MYBBP1A: variants seen among roughly 807,000 people sequenced by gnomAD.
MYBBP1A encodes the protein MYB binding protein 1a, also known as myb-binding protein 1A.
In MYBBP1A, 147 loss-of-function variants were observed where a neutral mutation model predicts 136.3. The observed-to-expected ratio is 1.08, with a 90% confidence interval of 0.94 to 1.24. The LOEUF (loss-of-function observed/expected upper bound fraction) is 1.24, where lower values mean the gene tolerates loss of function less well. Ranked by LOEUF, MYBBP1A falls within the 50% of genes most tolerant of loss-of-function variation. MYBBP1A has a pLI of 0.00. For missense variants in MYBBP1A, 2,060 were observed against 1,727.4 expected (o/e 1.19, Z -3.41); for synonymous variants, 947 against 735.8 (o/e 1.29, Z -4.65).
At position 4,552,167 on chromosome 17, in the gene MYBBP1A, A is replaced by T. The variant is rs1202779691; in HGVS notation, c.863T>A (p.Val288Glu). 2 of 1,614,030 alleles carry T rather than the reference A, an allele frequency of 1.2e-6. No individual in the cohort carries two copies. Among genetic ancestry groups the T allele is most frequent in the African/African-American group, 2.7e-5 (2 of 74,894 alleles). Residue 288 changes from valine to glutamate, a missense_variant, in exon 7 of 26, where the codon GTG (valine) becomes GAG (glutamate). Transcript: ENST00000254718. This position sits in a 1 kb window ranked among gnomAD's most constrained non-coding sequence, Gnocchi z 4.7. Reference sequence around the variant, plus strand: ...CATCTTCAGCAGCCCTTGTTCCACCACCTCCTTCCAGAACCGTGGGAACTT... The same window carrying T: ...CATCTTCAGCAGCCCTTGTTCCACCTCCTCCTTCCAGAACCGTGGGAACTT... Reference protein sequence around the residue: ...EDKFPRFWKEVVEQGLLKMQF... With the variant: ...EDKFPRFWKEEVEQGLLKMQF...
intron 13 of MYBBP1A, 69 bp from the exon 14 acceptor site, chr17:4,546,011 C>T (rs1022398510): frequency 1.4e-6 from 2 of 1,452,546 alleles, no homozygotes; most frequent in Non-Finnish European, 1.9e-6. Context: ...AGGCAAGGGG[C>T]TGGCCAAATG....
At chr17:4,541,934 G>A (rs1370100445) in intron 22 of MYBBP1A, 43 bp from the exon 23 acceptor site, 4 of 1,525,678 alleles carry the variant, frequency 2.6e-6, no homozygotes, top group South Asian at 1.1e-5. Flanking sequence ...TTGGCACGTT[G>A]GGTGCTCACG....
chr17:4,548,288 G>T lies in MYBBP1A; in HGVS notation c.1579C>A (p.Gln527Lys). The T allele has an allele frequency of 6.2e-7, 1 of 1,612,386 alleles. No individual in the cohort carries two copies. Among genetic ancestry groups the T allele is most frequent in the East Asian group, 2.2e-5 (1 of 44,884 alleles). The change falls in exon 12 of 26, where the codon CAG (glutamine) becomes AAG (lysine). Residue 527 changes from glutamine to lysine, a missense_variant. Physicochemically the swap from Gln to Lys is moderately conservative, Grantham distance 53. Transcript: ENST00000254718. The surrounding 1 kb of genome is among the most constrained non-coding windows in gnomAD (Gnocchi z 4.2). Reference sequence around the variant, plus strand: ...GTCTGGCCCGGTGCCTGCTTGAACTGCGTGCTGAGGGTCTGCAACAGACTG... The same window carrying T: ...GTCTGGCCCGGTGCCTGCTTGAACTTCGTGCTGAGGGTCTGCAACAGACTG... ...FFSLLQTLST[Q>K]FKQAPGQTQG...
At position 4,552,320 on chromosome 17, in the gene MYBBP1A, A is replaced by G. The variant is rs1907595896; in HGVS notation, c.738-28T>C. 3.7e-6 allele frequency: 6 copies of G among 1,612,708 alleles called. No individual in the cohort carries two copies. The highest frequency in any genetic ancestry group is 5.1e-6 in the Non-Finnish European group (6 of 1,179,614). ...GCGGAGGGCAAGGGACTCAGGGAACACTTGCCTCACAGGCAAGGGCCAGGG... is the reference window on the plus strand; with the variant it reads ...GCGGAGGGCAAGGGACTCAGGGAACGCTTGCCTCACAGGCAAGGGCCAGGG... On this transcript the variant is annotated intron_variant, in intron 6 of 25. Coordinates refer to ENST00000254718, the MANE Select transcript of MYBBP1A (RefSeq NM_014520.4). The surrounding 1 kb of genome is among the most constrained non-coding windows in gnomAD (Gnocchi z 4.7).
Position 4,551,999 on chromosome 17 carries a change from TAA to T in MYBBP1A, c.906-4_906-3del, listed in dbSNP as rs781115100. On this transcript the variant is annotated splice_region_variant and splice_polypyrimidine_tract_variant and intron_variant, in intron 7 of 25. Coordinates refer to ENST00000254718, the MANE Select transcript of MYBBP1A (RefSeq NM_014520.4). ...CCCAGCAGGCGGAAACACAGGTAGC[TAA>T]AGGGGGTGCAGGACAGAGCCTGGTC... 3 of 1,607,206 alleles carry T rather than the reference TAA, an allele frequency of 1.9e-6. No homozygotes were observed. The highest frequency in any genetic ancestry group is 1.3e-5 in the African/African-American group (1 of 74,848).
Position 4,539,750 on chromosome 17 carries a change from C to A in MYBBP1A, c.3652G>T (p.Ala1218Ser), listed in dbSNP as rs1454350650. Residue 1218 changes from alanine to serine, a missense_variant, in exon 26 of 26, where the codon GCT (alanine) becomes TCT (serine). Ala to Ser is a moderately conservative substitution (Grantham distance 99). Coordinates refer to ENST00000254718, the MANE Select transcript of MYBBP1A (RefSeq NM_014520.4). ...MGRKKRNRTK[A>S]KVPAQANGTP... ...CCGTTTGCCTGGGCTGGGACCTTAG[C>A]CTTTGTCCTGTTCCTCTTCTTCCTG... 1 of 1,613,304 alleles carries A rather than the reference C, an allele frequency of 6.2e-7. No individual in the cohort carries two copies. The highest frequency in any genetic ancestry group is 1.3e-5 in the African/African-American group (1 of 75,012).
Position 4,555,176 on chromosome 17 carries a change from C to T in MYBBP1A, c.149G>A (p.Arg50Gln), listed in dbSNP as rs1316084148. Reference sequence around the variant, plus strand: ...CAGCAGCTTCTCCGTGGCCGCAAGTCGCGTCTCCTGCTCAGGCTTCGCAAT... The same window carrying T: ...CAGCAGCTTCTCCGTGGCCGCAAGTTGCGTCTCCTGCTCAGGCTTCGCAAT... ...WDIAKPEQET[R>Q]LAATEKLLEY... The change falls in exon 1 of 26, where the codon CGA (arginine) becomes CAA (glutamine). Residue 50 changes from arginine to glutamine, a missense_variant. Arg to Gln is a conservative substitution (Grantham distance 43). Transcript: ENST00000254718. 2 of 1,605,338 alleles carry T rather than the reference C, an allele frequency of 1.2e-6. No individual in the cohort carries two copies. Among genetic ancestry groups the T allele is most frequent in the Admixed American group, 1.7e-5 (1 of 58,972 alleles).
At chr17:4,554,139 C>T (rs758851029) in intron 3 of MYBBP1A, 46 bp from the exon 4 acceptor site, 81 of 1,613,320 alleles carry the variant, frequency 5.0e-5, no homozygotes, top group Middle Eastern at 3.3e-4. Flanking sequence ...CTGGAACTCC[C>T]CATTCCCCAA....
chr17:4,545,341 A>AG lies in MYBBP1A; in HGVS notation c.2077dup (p.Leu693ProfsTer7). ...CTCATCCTCACTGGTCTCGGGGTTC[A>AG]GCACCTGGGGAGGGGTGCCAGCCAC... is the stretch of plus-strand genomic sequence containing the variant. On this transcript the variant is annotated frameshift_variant, in exon 16 of 26. Coordinates refer to ENST00000254718, the MANE Select transcript of MYBBP1A (RefSeq NM_014520.4). LOFTEE classifies it high-confidence loss of function. 6.2e-7 allele frequency: 1 copy of AG among 1,613,088 alleles called. No homozygotes were observed. Among genetic ancestry groups the AG allele is most frequent in the Non-Finnish European group, 8.5e-7 (1 of 1,179,932 alleles).
chr17:4,545,616 A>T lies in MYBBP1A; in HGVS notation c.2067T>A (p.Ile689=). The T allele has an allele frequency of 6.3e-7, 1 of 1,585,492 alleles. No homozygotes were observed. Among genetic ancestry groups the T allele is most frequent in the Non-Finnish European group, 8.6e-7 (1 of 1,161,944 alleles). ...SHLTPRALQL[I]LDVLNPETSE... is the part of the protein sequence containing the mutation. ...CCCAAAGGTCCCAACTCACATCCAG[A>T]ATTAGCTGCAGGGCACGCGGGGTCA... is the stretch of plus-strand genomic sequence containing the variant. Residue 689 remains isoleucine, a synonymous_variant, in exon 15 of 26, where the codon ATT becomes ATA. Coordinates refer to ENST00000254718, the MANE Select transcript of MYBBP1A (RefSeq NM_014520.4).
In MYBBP1A at chr17:4,555,360, C is replaced by CTCCGTGTT. The variant is rs1567616537; in HGVS notation, c.-37_-36insAACACGGA. On this transcript the variant is annotated 5_prime_UTR_variant, in exon 1 of 26. Transcript: ENST00000254718. ...CTCACCGAAACACGAAACACGTGTGCTCCGGCCCCAGCCGCTTCCAGGTCA... is the reference window on the plus strand; with the variant it reads ...CTCACCGAAACACGAAACACGTGTGCTCCGTGTTTCCGGCCCCAGCCGCTTCCAGGTCA... The CTCCGTGTT allele has an allele frequency of 1.5e-5, 24 of 1,565,950 alleles. No homozygotes were observed. Among genetic ancestry groups the CTCCGTGTT allele is most frequent in the Non-Finnish European group, 2.0e-5 (23 of 1,155,452 alleles).
Position 4,545,709 on chromosome 17 carries a change from C to G in MYBBP1A, c.1974G>C (p.Leu658=), listed in dbSNP as rs202167625. The change falls in exon 15 of 26, where the codon CTG becomes CTC. Residue 658 remains leucine, a synonymous_variant. Transcript: ENST00000254718. ...GCATGAGGTGGCTGGGCTGGGCCAA[C>G]AGGGCCAGCAAGATCTCCACCAGCA... ...VEVLVEILLA[L]LAQPSHLMRQ... 2 of 1,609,950 alleles carry G rather than the reference C, an allele frequency of 1.2e-6. No homozygotes were observed. Among genetic ancestry groups the G allele is most frequent in the East Asian group, 2.2e-5 (1 of 44,724 alleles).
rs202092042 is a variant in MYBBP1A at position 4,550,190 on chromosome 17, C to T, written c.1187G>A (p.Arg396Gln). ...CTGCAGGGCCGGAGGGCTCAGGAAC[C>T]GCACGACCCGCCAGAAAGTAGGCGT... The part of the protein sequence containing the change: ...PVTPTFWRVV[R>Q]FLSPPALQGY... The change falls in exon 9 of 26, where the codon CGG becomes CAG. Residue 396 changes from arginine (R) to glutamine (Q), a missense_variant. Arg to Gln is a conservative substitution (Grantham distance 43, BLOSUM62 1). Transcript: ENST00000254718. 7.7e-5 allele frequency: 124 copies of T among 1,613,878 alleles called. No homozygotes were observed. The East Asian group carries it at 8.7e-4, about 11-fold the overall frequency.
chr17:4,545,808 C>G, intron 14 of MYBBP1A, 38 bp downstream of exon 14: 1 of 1,610,202 alleles, frequency 6.2e-7, no homozygotes, highest in Non-Finnish European at 8.5e-7. Flanking sequence ...GCTGGCCCCA[C>G]CCCACCACTC....
chr17:4,547,943 C>T lies in MYBBP1A; in HGVS notation c.1824+15G>A. On this transcript the variant is annotated intron_variant, in intron 13 of 25. Transcript: ENST00000254718. ...AACCCCAGGCTCACAGCCCCTCCCTCCCAGGCCCCAGTACCTTGAGGAGGT... is the reference window on the plus strand; with the variant it reads ...AACCCCAGGCTCACAGCCCCTCCCTTCCAGGCCCCAGTACCTTGAGGAGGT... 1 of 1,469,050 alleles carries T rather than the reference C, an allele frequency of 6.8e-7. No homozygotes were observed. The highest frequency in any genetic ancestry group is 9.0e-7 in the Non-Finnish European group (1 of 1,108,684). 91.0% of individuals were successfully genotyped at this position (1,469,050 alleles called of 1,614,324 possible). A position where few individuals can be genotyped will look rare whatever the true frequency, so the allele number is the denominator to read the frequency against.
In MYBBP1A at chr17:4,543,165, C is replaced by T. The variant is rs1259824013; in HGVS notation, c.2640G>A (p.Thr880=). 6.2e-7 allele frequency: 1 copy of T among 1,601,478 alleles called. No homozygotes were observed. Among genetic ancestry groups the T allele is most frequent in the Admixed American group, 1.7e-5 (1 of 59,648 alleles). The change falls in exon 20 of 26, where the codon ACG becomes ACA. Residue 880 remains threonine (T), a splice_region_variant and synonymous_variant. Coordinates refer to ENST00000254718, the MANE Select transcript of MYBBP1A (RefSeq NM_014520.4). The part of the protein sequence containing the change: ...DLLHKTARIF[T]HHLCRARRYC... ...AGCGCCGGGCACGGCACAGGTGGTG[C>T]CTGTGGGTGGTGAGGACGAGAGCTG...
At chr17:4,544,439 C>A (rs1002671261) in intron 19 of MYBBP1A, 50 bp downstream of exon 19, 4 of 1,537,794 alleles carry the variant, frequency 2.6e-6, no homozygotes, top group African/African-American at 1.4e-5. Flanking sequence ...GGCTCTCCTG[C>A]GCCTGGGGGC....
At position 4,553,533 on chromosome 17, in the gene MYBBP1A, A is replaced by G. The variant is rs1410103597; in HGVS notation, c.561+277T>C. Among the ~76,000 whole-genome samples the G allele has an allele frequency of 2.0e-5, 3 of 152,350 alleles. No individual in the cohort carries two copies. The East Asian group carries it at 5.8e-4, about 29-fold the overall frequency. ...GTGTAACATACACACTGGATTTTGG[A>G]GACACCTGACAAAAAGAGTGTAAGA... is the stretch of plus-strand genomic sequence containing the variant. On this transcript the variant is annotated intron_variant, in intron 5 of 25. Coordinates refer to ENST00000254718, the MANE Select transcript of MYBBP1A (RefSeq NM_014520.4).
Position 4,554,916 on chromosome 17 carries a change from C to T in MYBBP1A, c.239G>A (p.Gly80Glu). The T allele has an allele frequency of 6.2e-7, 1 of 1,613,582 alleles. No homozygotes were observed. Among genetic ancestry groups the T allele is most frequent in the African/African-American group, 1.3e-5 (1 of 75,032 alleles). Reference sequence around the variant, plus strand: ...GGCTGTTTCTCGCCCGACCCCGAGTCCCGTGATTAGACGCTTCAGGGCATA... The same window carrying T: ...GGCTGTTTCTCGCCCGACCCCGAGTTCCGTGATTAGACGCTTCAGGGCATA... The part of the protein sequence containing the change: ...MKYALKRLIT[G>E]LGVGRETARP... Residue 80 changes from glycine (G) to glutamate (E), a missense_variant, in exon 2 of 26, where the codon GGA becomes GAA. Coordinates refer to ENST00000254718, the MANE Select transcript of MYBBP1A (RefSeq NM_014520.4).
Sources: allele counts gnomAD v4.1 joint callset (sites outside exome capture counted in the v4.1 genomes callset), GRCh38; gene constraint gnomAD v4.1.1; non-coding constraint Gnocchi (gnomAD v3.1); transcripts MANE v1.5; gene names NCBI Gene and HGNC (gene_info 2026-07-23, HGNC 2026-07-21).